TSPYL5: variants seen among roughly 807,000 people sequenced by gnomAD.
TSPYL5 encodes the protein testis-specific Y-encoded-like protein 5.
For missense variants in TSPYL5, 556 were observed against 555.5 expected (o/e 1.00, Z -0.01); for synonymous variants, 276 against 236.1 (o/e 1.17, Z -1.55).
chr8:97,275,293 C>G lies in TSPYL5; in HGVS notation c.*1298G>C, dbSNP rs1445353757. ...AGTGCCAAGTTCTCAGCTACCTCCCCAGCTGTATGTAGAAAAATGTGGTTT... is the reference window on the plus strand; with the variant it reads ...AGTGCCAAGTTCTCAGCTACCTCCCGAGCTGTATGTAGAAAAATGTGGTTT... On this transcript the variant is annotated 3_prime_UTR_variant, in exon 1 of 1. Coordinates refer to ENST00000322128, the MANE Select transcript of TSPYL5 (RefSeq NM_033512.3). 6.6e-6 allele frequency: 1 copy of G among 151,862 alleles called. No individual in the cohort carries two copies. Among genetic ancestry groups the G allele is most frequent in the Non-Finnish European group, 1.5e-5 (1 of 68,026 alleles). The allele number at this position is 151,862 out of a possible 1,614,324, so 9.4% of individuals were successfully genotyped here.
chr8:97,276,561 G>A lies in TSPYL5; in HGVS notation c.*30C>T. ...TATGTAGTCAACCAGGAGCAGCCCA[G>A]CAGGAGGTAGCAGGGAGACTTGTGC... On this transcript the variant is annotated 3_prime_UTR_variant, in exon 1 of 1. Coordinates refer to ENST00000322128, the MANE Select transcript of TSPYL5 (RefSeq NM_033512.3). 6.3e-7 allele frequency: 1 copy of A among 1,595,242 alleles called. No individual in the cohort carries two copies. Among genetic ancestry groups the A allele is most frequent in the Non-Finnish European group, 8.5e-7 (1 of 1,171,334 alleles).
At position 97,277,559 on chromosome 8, in the gene TSPYL5, C is replaced by G; in HGVS notation, c.286G>C (p.Asp96His). ...GLALRARAAG[D>H]HGQAAARPGP... ...GGCCTGGCCGCGGCCTGCCCGTGGT[C>G]CCCCGCAGCTCGGGCCCGCAGCGCG... The change falls in exon 1 of 1, where the codon GAC (aspartate) becomes CAC (histidine). Residue 96 changes from aspartate (D) to histidine (H), a missense_variant. Transcript: ENST00000322128. This position sits in a 1 kb window ranked among gnomAD's most constrained non-coding sequence, Gnocchi z 4.5. The G allele has an allele frequency of 1.4e-6, 2 of 1,471,278 alleles. No individual in the cohort carries two copies. The highest frequency in any genetic ancestry group is 1.8e-6 in the Non-Finnish European group (2 of 1,114,606). 91.1% of individuals were successfully genotyped at this position (1,471,278 alleles called of 1,614,324 possible). A position where few individuals can be genotyped will look rare whatever the true frequency, so the allele number is the denominator to read the frequency against.
rs1224770682 is a variant in TSPYL5, at chr8:97,273,548, G to A, written c.*3043C>T. 1 of 152,564 alleles carries A rather than the reference G, an allele frequency of 6.6e-6. No homozygotes were observed. The highest frequency in any genetic ancestry group is 2.1e-4 in the South Asian group (1 of 4,828). 9.5% of individuals were successfully genotyped at this position (152,564 alleles called of 1,614,324 possible). ...ATGCAAACTTACAACTATTTATACT[G>A]TTTAAGAACACAGAAATAATTGCGT... On this transcript the variant is annotated 3_prime_UTR_variant, in exon 1 of 1. Coordinates refer to ENST00000322128, the MANE Select transcript of TSPYL5 (RefSeq NM_033512.3).
rs552658348 is a variant in TSPYL5, at chr8:97,277,901, G to A, written c.-57C>T. 76 of 1,334,862 alleles carry A rather than the reference G, an allele frequency of 5.7e-5. 1 individual carries two copies. In the South Asian group the frequency reaches 1.4e-3, roughly 25 times the overall value. 82.7% of individuals were successfully genotyped at this position (1,334,862 alleles called of 1,614,324 possible). ...TGTGACCCTGCGGCTCCTGACGCCAGCTCTCGGTCGGGACCGAGCGGGTCT... is the reference window on the plus strand; with the variant it reads ...TGTGACCCTGCGGCTCCTGACGCCAACTCTCGGTCGGGACCGAGCGGGTCT... On this transcript the variant is annotated 5_prime_UTR_variant, in exon 1 of 1. Coordinates refer to ENST00000322128, the MANE Select transcript of TSPYL5 (RefSeq NM_033512.3). The surrounding 1 kb of genome is among the most constrained non-coding windows in gnomAD (Gnocchi z 4.5).
rs1053512197 is a variant in TSPYL5, at chr8:97,276,414, T to C, written c.*177A>G. ...GATCACATAACATGTGACACTAACGTAGAAAAGCAAGAGGCTATGGGAGGC... is the reference window on the plus strand; with the variant it reads ...GATCACATAACATGTGACACTAACGCAGAAAAGCAAGAGGCTATGGGAGGC... On this transcript the variant is annotated 3_prime_UTR_variant, in exon 1 of 1. Coordinates refer to ENST00000322128, the MANE Select transcript of TSPYL5 (RefSeq NM_033512.3). 1.1e-5 allele frequency: 9 copies of C among 801,822 alleles called. No individual in the cohort carries two copies. In the African/African-American group the frequency reaches 1.4e-4, roughly 12 times the overall value. The allele number at this position is 801,822 out of a possible 1,614,324, so 49.7% of individuals were successfully genotyped here. A position where few individuals can be genotyped will look rare whatever the true frequency, so the allele number is the denominator to read the frequency against.
chr8:97,276,517 G>A lies in TSPYL5; in HGVS notation c.*74C>T. 1 of 1,531,186 alleles carries A rather than the reference G, an allele frequency of 6.5e-7. No individual in the cohort carries two copies. Among genetic ancestry groups the A allele is most frequent in the African/African-American group, 1.4e-5 (1 of 72,284 alleles). The allele number at this position is 1,531,186 out of a possible 1,614,324, so 94.8% of individuals were successfully genotyped here. ...TATAGTACACAGAGGCCAACATGAAGAGAAGGCAGAGAGCCAAATATGTAG... is the reference window on the plus strand; with the variant it reads ...TATAGTACACAGAGGCCAACATGAAAAGAAGGCAGAGAGCCAAATATGTAG... On this transcript the variant is annotated 3_prime_UTR_variant, in exon 1 of 1. Transcript: ENST00000322128.
chr8:97,277,409 C>T lies in TSPYL5; in HGVS notation c.436G>A (p.Gly146Arg), dbSNP rs748177574. Residue 146 changes from glycine to arginine, a missense_variant, in exon 1 of 1, where the codon GGG becomes AGG. By Grantham distance (125) the Gly-to-Arg change is moderately radical. Transcript: ENST00000322128. The surrounding 1 kb of genome is among the most constrained non-coding windows in gnomAD (Gnocchi z 4.5). ...PRVGNRRGPAGKKAPETCSTA... is the reference protein window; with the variant it reads ...PRVGNRRGPARKKAPETCSTA... Reference sequence around the variant, plus strand: ...CTACAGGTTTCTGGGGCCTTCTTCCCGGCAGGGCCACGCCGGTTTCCAACG... The same window carrying T: ...CTACAGGTTTCTGGGGCCTTCTTCCTGGCAGGGCCACGCCGGTTTCCAACG... 9.5e-6 allele frequency: 15 copies of T among 1,574,514 alleles called. No homozygotes were observed. The highest frequency in any genetic ancestry group is 1.7e-4 in the Middle Eastern group (1 of 5,818).
chr8:97,276,957 G>C lies in TSPYL5; in HGVS notation c.888C>G (p.Phe296Leu). 3 of 1,614,190 alleles carry C rather than the reference G, an allele frequency of 1.9e-6. No individual in the cohort carries two copies. Residue 296 changes from phenylalanine (F) to leucine (L), a missense_variant, in exon 1 of 1, where the codon TTC (phenylalanine) becomes TTG (leucine). Transcript: ENST00000322128. ...GGAAATACGGGTTGCGATCGAAGTA[G>C]AACTTGATTTTGTAGCCCAATCTGG... Reference protein sequence around the residue: ...GLARLGYKIKFYFDRNPYFQN... With the variant: ...GLARLGYKIKLYFDRNPYFQN...
chr8:97,276,565 G>C lies in TSPYL5; in HGVS notation c.*26C>G. On this transcript the variant is annotated 3_prime_UTR_variant, in exon 1 of 1. Transcript: ENST00000322128. ...TAGTCAACCAGGAGCAGCCCAGCAG[G>C]AGGTAGCAGGGAGACTTGTGCAGGA... The C allele has an allele frequency of 6.3e-7, 1 of 1,597,998 alleles. No individual in the cohort carries two copies. Among genetic ancestry groups the C allele is most frequent in the Non-Finnish European group, 8.5e-7 (1 of 1,172,524 alleles).
In TSPYL5 at chr8:97,276,506, G is replaced by T; in HGVS notation, c.*85C>A. ...TCCAAAGGGTCTATAGTACACAGAGGCCAACATGAAGAGAAGGCAGAGAGC... is the reference window on the plus strand; with the variant it reads ...TCCAAAGGGTCTATAGTACACAGAGTCCAACATGAAGAGAAGGCAGAGAGC... On this transcript the variant is annotated 3_prime_UTR_variant, in exon 1 of 1. Transcript: ENST00000322128. The T allele has an allele frequency of 6.7e-7, 1 of 1,497,860 alleles. No individual in the cohort carries two copies. Among genetic ancestry groups the T allele is most frequent in the Non-Finnish European group, 9.0e-7 (1 of 1,108,902 alleles). The allele number at this position is 1,497,860 out of a possible 1,614,324, so 92.8% of individuals were successfully genotyped here.
rs374211372 is a variant in TSPYL5, at chr8:97,277,396, G to C, written c.449C>G (p.Pro150Arg). The C allele has an allele frequency of 5.0e-5, 79 of 1,585,576 alleles. No individual in the cohort carries two copies. Among genetic ancestry groups the C allele is most frequent in the Non-Finnish European group, 6.5e-5 (76 of 1,167,850 alleles). Residue 150 changes from proline to arginine, a missense_variant, in exon 1 of 1, where the codon CCA becomes CGA. By Grantham distance (103) the Pro-to-Arg change is moderately radical. Transcript: ENST00000322128. The surrounding 1 kb of genome is among the most constrained non-coding windows in gnomAD (Gnocchi z 4.5). ...NRRGPAGKKA[P>R]ETCSTAGRGP... Reference sequence around the variant, plus strand: ...CCTCCCCGCGGTGCTACAGGTTTCTGGGGCCTTCTTCCCGGCAGGGCCACG... The same window carrying C: ...CCTCCCCGCGGTGCTACAGGTTTCTCGGGCCTTCTTCCCGGCAGGGCCACG...
rs779895860 is a variant in TSPYL5, at chr8:97,277,808, C to T, written c.37G>A (p.Ala13Thr). Residue 13 changes from alanine (A) to threonine (T), a missense_variant, in exon 1 of 1, where the codon GCC (alanine) becomes ACC (threonine). Ala to Thr is a moderately conservative substitution (Grantham distance 58). Coordinates refer to ENST00000322128, the MANE Select transcript of TSPYL5 (RefSeq NM_033512.3). This position sits in a 1 kb window ranked among gnomAD's most constrained non-coding sequence, Gnocchi z 4.5. ...GRSRGRKSSRAKNRGKGRAKA... is the reference protein window; with the variant it reads ...GRSRGRKSSRTKNRGKGRAKA... ...GCGCGGCCTTTGCCCCGGTTTTTGG[C>T]GCGGGAGGACTTTCGACCCCGACTT... 6 of 1,472,800 alleles carry T rather than the reference C, an allele frequency of 4.1e-6. No individual in the cohort carries two copies. Among genetic ancestry groups the T allele is most frequent in the Admixed American group, 2.4e-5 (1 of 41,892 alleles). The allele number at this position is 1,472,800 out of a possible 1,614,324, so 91.2% of individuals were successfully genotyped here.
Position 97,276,238 on chromosome 8 carries a change from G to C in TSPYL5, c.*353C>G, listed in dbSNP as rs1443277882. The C allele has an allele frequency of 4.3e-6, 1 of 230,466 alleles. No homozygotes were observed. The highest frequency in any genetic ancestry group is 8.4e-6 in the Non-Finnish European group (1 of 118,446). 14.3% of individuals were successfully genotyped at this position (230,466 alleles called of 1,614,324 possible). On this transcript the variant is annotated 3_prime_UTR_variant, in exon 1 of 1. Coordinates refer to ENST00000322128, the MANE Select transcript of TSPYL5 (RefSeq NM_033512.3). ...TGGCCCTGAAGGAGCAGAGCTTGAG[G>C]ATGCACTGGTCGTCCTGGAGGATGA...
In TSPYL5 at chr8:97,277,565, C is replaced by A. The variant is rs1810549346; in HGVS notation, c.280G>T (p.Ala94Ser). ...GCCGCGGCCTGCCCGTGGTCCCCCGCAGCTCGGGCCCGCAGCGCGAGGCCA... is the reference window on the plus strand; with the variant it reads ...GCCGCGGCCTGCCCGTGGTCCCCCGAAGCTCGGGCCCGCAGCGCGAGGCCA... ...DCGLALRARA[A>S]GDHGQAAARP... Residue 94 changes from alanine to serine, a missense_variant, in exon 1 of 1, where the codon GCG becomes TCG. Physicochemically the swap from Ala to Ser is moderately conservative, Grantham distance 99. Transcript: ENST00000322128. The surrounding 1 kb of genome is among the most constrained non-coding windows in gnomAD (Gnocchi z 4.5). 3 of 1,467,350 alleles carry A rather than the reference C, an allele frequency of 2.0e-6. No individual in the cohort carries two copies. Among genetic ancestry groups the A allele is most frequent in the African/African-American group, 2.9e-5 (2 of 69,504 alleles). The allele number at this position is 1,467,350 out of a possible 1,614,324, so 90.9% of individuals were successfully genotyped here. A position where few individuals can be genotyped will look rare whatever the true frequency, so the allele number is the denominator to read the frequency against.
rs1810553267 is a variant in TSPYL5 at position 97,277,676 on chromosome 8, C to T, written c.169G>A (p.Ala57Thr). ...DTQAAQVQAGAGWGGLEAAAS... is the reference protein window; with the variant it reads ...DTQAAQVQAGTGWGGLEAAAS... ...GCGGCTTCCAGGCCACCCCACCCCG[C>T]GCCAGCCTGCACCTGTGCCGCCTGG... is the stretch of plus-strand genomic sequence containing the variant. The change falls in exon 1 of 1, where the codon GCG becomes ACG. Residue 57 changes from alanine (A) to threonine (T), a missense_variant. Physicochemically the swap from Ala to Thr is moderately conservative, Grantham distance 58. Coordinates refer to ENST00000322128, the MANE Select transcript of TSPYL5 (RefSeq NM_033512.3). This position sits in a 1 kb window ranked among gnomAD's most constrained non-coding sequence, Gnocchi z 4.5. 2.0e-6 allele frequency: 3 copies of T among 1,499,636 alleles called. No individual in the cohort carries two copies. The South Asian group carries it at 4.0e-5, about 20-fold the overall frequency. 92.9% of individuals were successfully genotyped at this position (1,499,636 alleles called of 1,614,324 possible). A position where few individuals can be genotyped will look rare whatever the true frequency, so the allele number is the denominator to read the frequency against.
In TSPYL5 at chr8:97,276,528, G is replaced by T; in HGVS notation, c.*63C>A. On this transcript the variant is annotated 3_prime_UTR_variant, in exon 1 of 1. Transcript: ENST00000322128. ...GAGGCCAACATGAAGAGAAGGCAGA[G>T]AGCCAAATATGTAGTCAACCAGGAG... 1 of 1,553,902 alleles carries T rather than the reference G, an allele frequency of 6.4e-7. No homozygotes were observed. The highest frequency in any genetic ancestry group is 8.7e-7 in the Non-Finnish European group (1 of 1,152,440).
Position 97,276,633 on chromosome 8 carries a change from C to T in TSPYL5, c.1212G>A (p.Gln404=). ...EKEGRQGPGK[Q]PMETTQPGVS... Reference sequence around the variant, plus strand: ...CCCCAGGCTGAGTAGTCTCCATTGGCTGCTTTCCTGGACCTTGCCTGCCTT... The same window carrying T: ...CCCCAGGCTGAGTAGTCTCCATTGGTTGCTTTCCTGGACCTTGCCTGCCTT... The change falls in exon 1 of 1, where the codon CAG becomes CAA. Residue 404 remains glutamine, a synonymous_variant. Transcript: ENST00000322128. 6.2e-7 allele frequency: 1 copy of T among 1,614,038 alleles called. No individual in the cohort carries two copies. Among genetic ancestry groups the T allele is most frequent in the Non-Finnish European group, 8.5e-7 (1 of 1,179,922 alleles).
In TSPYL5 at chr8:97,277,259, G is replaced by C. The variant is rs1389238743; in HGVS notation, c.586C>G (p.Pro196Ala). ...KEERDAGSGP[P>A]ATEGSMDTLE... is the part of the protein sequence containing the mutation. ...GTATCCATGCTGCCTTCCGTCGCTGGGGGCCCCGACCCTGCATCCCTCTCT... is the reference window on the plus strand; with the variant it reads ...GTATCCATGCTGCCTTCCGTCGCTGCGGGCCCCGACCCTGCATCCCTCTCT... The change falls in exon 1 of 1, where the codon CCA (proline) becomes GCA (alanine). Residue 196 changes from proline (P) to alanine (A), a missense_variant. Physicochemically the swap from Pro to Ala is conservative, Grantham distance 27. Coordinates refer to ENST00000322128, the MANE Select transcript of TSPYL5 (RefSeq NM_033512.3). The surrounding 1 kb of genome is among the most constrained non-coding windows in gnomAD (Gnocchi z 4.5). The C allele has an allele frequency of 3.7e-6, 6 of 1,613,970 alleles. No homozygotes were observed. The highest frequency in any genetic ancestry group is 5.1e-6 in the Non-Finnish European group (6 of 1,180,012).
chr8:97,274,032 A>G lies in TSPYL5; in HGVS notation c.*2559T>C, dbSNP rs1460907120. The G allele has an allele frequency of 2.0e-5, 3 of 152,180 alleles. No individual in the cohort carries two copies. Among genetic ancestry groups the G allele is most frequent in the Non-Finnish European group, 2.9e-5 (2 of 68,026 alleles). 9.4% of individuals were successfully genotyped at this position (152,180 alleles called of 1,614,324 possible). On this transcript the variant is annotated 3_prime_UTR_variant, in exon 1 of 1. Coordinates refer to ENST00000322128, the MANE Select transcript of TSPYL5 (RefSeq NM_033512.3). ...ATCAAAAGAGACTACCAATCTCCCA[A>G]AGTAGTCACGGTTGCATTGGCATAG... is the stretch of plus-strand genomic sequence containing the variant.
Sources: gnomAD v4.1 joint callset for allele counts on GRCh38, gnomAD v4.1.1 for gene constraint, Gnocchi (gnomAD v3.1) non-coding constraint, MANE v1.5 for transcripts, NCBI Gene and HGNC (gene_info 2026-07-23, HGNC 2026-07-21) for gene names.